The following ETV6 variants were observed in gnomAD, a reference collection of about 807,000 sequenced individuals.
ETV6 encodes ETS variant transcription factor 6.
Under a neutral mutation model 51.1 loss-of-function variants are expected in ETV6, and 16 were observed. That is an observed-to-expected ratio of 0.31 (90% CI 0.21 to 0.48). ETV6 has a LOEUF of 0.48. Ranked by LOEUF, ETV6 falls within the 20% of genes least tolerant of loss-of-function variation. The pLI, the probability that ETV6 is intolerant of heterozygous loss-of-function variation, is 0.99. For missense variants in ETV6, 458 were observed against 594.8 expected (o/e 0.77, Z 2.39); for synonymous variants, 240 against 224.1 (o/e 1.07, Z -0.64).
At chr12:11,821,500 G>A (rs1591698358) in intron 2 of ETV6, among the ~76,000 whole-genome samples, 1 of 152,202 alleles carries the variant, frequency 6.6e-6, no homozygotes, top group Middle Eastern at 3.4e-3. Flanking sequence ...ACATCTGGAG[G>A]TTGGTTGGCC....
At chr12:11,685,929 G>A (rs1158555294) in intron 1 of ETV6, among the ~76,000 whole-genome samples, 6 of 152,274 alleles carry the variant, frequency 3.9e-5, no homozygotes, top group South Asian at 4.1e-4. Context: ...ATTCGAAGAC[G>A]TTACATTTAG....
Position 11,650,031 on chromosome 12 carries a change from G to T in ETV6, c.-97G>T. 1 of 1,122,850 alleles carries T rather than the reference G, an allele frequency of 8.9e-7. No homozygotes were observed. Among genetic ancestry groups the T allele is most frequent in the Non-Finnish European group, 1.4e-6 (1 of 736,908 alleles). The allele number at this position is 1,122,850 out of a possible 1,614,324, so 69.6% of individuals were successfully genotyped here. ...AGATGCTGGAAGAAACTTCTTAAAT[G>T]ACCGCGTCTGGCTGGCCGTGGAGCC... On this transcript the variant is annotated 5_prime_UTR_variant, in exon 1 of 8. An upstream start codon of the reference 5' UTR is lost. Coordinates refer to ENST00000396373, the MANE Select transcript of ETV6 (RefSeq NM_001987.5).
chr12:11,716,232 G>A (rs1865274324), intron 1 of ETV6, among the ~76,000 whole-genome samples: 2 of 149,684 alleles, frequency 1.3e-5, no homozygotes, highest in Admixed American at 6.7e-5. Context: ...TCGGGAGGCT[G>A]AGGCAGGAGA....
intron 2 of ETV6, among the ~76,000 whole-genome samples, chr12:11,761,268 A>G (rs1945082857): frequency 1.3e-5 from 2 of 152,228 alleles, no homozygotes; most frequent in South Asian, 4.1e-4. Context: ...AAGAGGGCCC[A>G]GATGGATAAA....
At chr12:11,661,412 G>A (rs1489939328) in intron 1 of ETV6, among the ~76,000 whole-genome samples, 1 of 152,246 alleles carries the variant, frequency 6.6e-6, no homozygotes, top group Admixed American at 6.5e-5. Context: ...GGTCTTGACG[G>A]CCACTAATGG....
In ETV6 at chr12:11,660,455, C is replaced by T. The variant is rs570161921; in HGVS notation, c.33+10295C>T. On this transcript the variant is annotated intron_variant, in intron 1 of 7. Coordinates refer to ENST00000396373, the MANE Select transcript of ETV6 (RefSeq NM_001987.5). ...CCCTGTCTCTACTACAAAAATTAGCCGGGTGTGGTGGTAGGTGCCTGTAAT... is the reference window on the plus strand; with the variant it reads ...CCCTGTCTCTACTACAAAAATTAGCTGGGTGTGGTGGTAGGTGCCTGTAAT... Among the ~76,000 whole-genome samples the T allele has an allele frequency of 1.9e-3, 284 of 151,992 alleles. 2 individuals carry two copies. The highest frequency in any genetic ancestry group is 6.3e-3 in the African/African-American group (262 of 41,448).
At chr12:11,687,510 G>T (rs929779940) in intron 1 of ETV6, among the ~76,000 whole-genome samples, 1 of 152,030 alleles carries the variant, frequency 6.6e-6, no homozygotes. Flanking sequence ...ATAAGAAAAT[G>T]AGTAGACACA....
At chr12:11,890,907 G>C (rs753217391) in intron 7 of ETV6, 34 bp from the exon 8 acceptor site, 3 of 1,532,938 alleles carry the variant, frequency 2.0e-6, no homozygotes, top group Admixed American at 1.7e-5. Flanking sequence ...TAGGAAAATG[G>C]AATCTCTTAC....
intron 2 of ETV6, among the ~76,000 whole-genome samples, chr12:11,792,091 A>G (rs1391778149): frequency 2.0e-5 from 3 of 152,222 alleles, no homozygotes; most frequent in Non-Finnish European, 4.4e-5. Context: ...AAATAGATAA[A>G]TCAATATACA....
At chr12:11,724,515 T>G (rs571082397) in intron 1 of ETV6, among the ~76,000 whole-genome samples, 11 of 152,318 alleles carry the variant, frequency 7.2e-5, no homozygotes, top group Non-Finnish European at 1.5e-4. Context: ...ACATTGAAAG[T>G]CTACTATATG....
intron 2 of ETV6, among the ~76,000 whole-genome samples, chr12:11,759,081 G>A (rs919530235): frequency 2.6e-5 from 4 of 152,016 alleles, no homozygotes; most frequent in Non-Finnish European, 4.4e-5. Flanking sequence ...AAGAATTTCC[G>A]ATGCAGGCAG....
At chr12:11,830,918 A>AT (rs1946234964) in intron 2 of ETV6, among the ~76,000 whole-genome samples, 1 of 152,182 alleles carries the variant, frequency 6.6e-6, no homozygotes, top group Admixed American at 6.5e-5. Flanking sequence ...TAAAAACATG[A>AT]TTTTAGGATT....
intron 2 of ETV6, among the ~76,000 whole-genome samples, chr12:11,830,769 C>T (rs796426583): frequency 1.2e-4 from 18 of 152,330 alleles, no homozygotes; most frequent in African/African-American, 4.3e-4. Flanking sequence ...CATGTTAACT[C>T]TTAACACATG....
At chr12:11,664,445 A>G (rs1164480265) in intron 1 of ETV6, among the ~76,000 whole-genome samples, 2 of 152,146 alleles carry the variant, frequency 1.3e-5, no homozygotes, top group African/African-American at 2.4e-5. Flanking sequence ...ACAAGAATCT[A>G]AGAGTCTTAT....
intron 2 of ETV6, among the ~76,000 whole-genome samples, chr12:11,797,803 G>A (rs1372307812): frequency 6.6e-6 from 1 of 152,122 alleles, no homozygotes; most frequent in African/African-American, 2.4e-5. Context: ...AAATAAATAG[G>A]ACTTATGGTA....
intron 1 of ETV6, among the ~76,000 whole-genome samples, chr12:11,694,219 C>G (rs750473037): frequency 3.9e-5 from 6 of 152,104 alleles, no homozygotes; most frequent in African/African-American, 9.7e-5. Context: ...TTTGGTAAAC[C>G]TTGGTTTGAA....
chr12:11,690,235 T>G (rs1864727222), intron 1 of ETV6, among the ~76,000 whole-genome samples: 1 of 151,686 alleles, frequency 6.6e-6, no homozygotes, highest in Non-Finnish European at 1.5e-5. Context: ...GTAAATCAGT[T>G]TGTGGTAGAT....
intron 2 of ETV6, among the ~76,000 whole-genome samples, chr12:11,799,652 T>G (rs1012183177): frequency 1.3e-5 from 2 of 152,258 alleles, no homozygotes; most frequent in Non-Finnish European, 2.9e-5. Context: ...ATTCTTGTGC[T>G]GCAATGCCAT....
intron 2 of ETV6, among the ~76,000 whole-genome samples, chr12:11,777,473 A>C (rs1314860650): frequency 1.3e-5 from 2 of 150,456 alleles, no homozygotes; most frequent in Non-Finnish European, 3.0e-5. Flanking sequence ...TTCTTCTGGC[A>C]TTGCCCAGGA....
Sources: allele counts gnomAD v4.1 joint callset (sites outside exome capture counted in the v4.1 genomes callset), GRCh38; gene constraint gnomAD v4.1.1; transcripts MANE v1.5; gene names NCBI Gene and HGNC (gene_info 2026-07-23, HGNC 2026-07-21).